NIBAN1: variants seen among roughly 807,000 people sequenced by gnomAD.
The protein encoded by NIBAN1 is protein Niban 1.
NIBAN1 carries 81 observed loss-of-function variants against 75.1 expected under a neutral mutation model. The observed-to-expected ratio is 1.08, with a 90% confidence interval of 0.90 to 1.30. The LOEUF is 1.30. NIBAN1 is among the 50% of genes most tolerant of loss of function. NIBAN1 has a pLI of 0.00. For missense variants in NIBAN1, 1,133 were observed against 1,128.1 expected (o/e 1.00, Z -0.06); for synonymous variants, 436 against 424.8 (o/e 1.03, Z -0.32).
At chr1:184,805,781 G>A (rs1654179458) in intron 11 of NIBAN1, 165 bp downstream of exon 11, 4 of 615,404 alleles carry the variant, frequency 6.5e-6, no homozygotes, top group Non-Finnish European at 1.1e-5. Context: ...AGGCATGGAA[G>A]TCACACTGGA....
chr1:184,809,259 G>T (rs188953272), intron 9 of NIBAN1, among the ~76,000 whole-genome samples: 34 of 152,298 alleles, frequency 2.2e-4, no homozygotes, highest in African/African-American at 7.5e-4. Context: ...GAGGTCCACT[G>T]AAGTGAAGTA....
chr1:184,815,354 C>T (rs142724435), intron 9 of NIBAN1, among the ~76,000 whole-genome samples: 4 of 152,330 alleles, frequency 2.6e-5, no homozygotes, highest in African/African-American at 9.6e-5. Flanking sequence ...CTCCACACTA[C>T]AGCAAAACTT....
At chr1:184,865,737 T>A (rs1202464846) in intron 5 of NIBAN1, among the ~76,000 whole-genome samples, 1 of 152,222 alleles carries the variant, frequency 6.6e-6, no homozygotes, top group Non-Finnish European at 1.5e-5. Flanking sequence ...ATCTAACTGC[T>A]AAGATTGATT....
chr1:184,894,544 G>T (rs144477718), intron 2 of NIBAN1, among the ~76,000 whole-genome samples: 10 of 152,224 alleles, frequency 6.6e-5, no homozygotes, highest in Non-Finnish European at 1.2e-4. Context: ...ATGGGAGAGA[G>T]GGAGTGAGGC....
chr1:184,838,479 A>G (rs987817161), intron 5 of NIBAN1, among the ~76,000 whole-genome samples: 5 of 152,198 alleles, frequency 3.3e-5, no homozygotes, highest in African/African-American at 1.2e-4. Context: ...CCATTCATTC[A>G]ACAATCACAT....
chr1:184,965,750 G>A (rs1347593646), intron 1 of NIBAN1, among the ~76,000 whole-genome samples: 1 of 152,082 alleles, frequency 6.6e-6, no homozygotes, highest in Non-Finnish European at 1.5e-5. Context: ...CCCCCACGGC[G>A]CTTCGTTTCC....
intron 5 of NIBAN1, among the ~76,000 whole-genome samples, chr1:184,873,082 G>A (rs1005854875): frequency 1.3e-5 from 2 of 152,210 alleles, no homozygotes; most frequent in Admixed American, 1.3e-4. Flanking sequence ...AATATTCAAT[G>A]TGGTGACAGG....
intron 1 of NIBAN1, among the ~76,000 whole-genome samples, chr1:184,900,354 C>T (rs1031366759): frequency 6.6e-6 from 1 of 152,184 alleles, no homozygotes; most frequent in African/African-American, 2.4e-5. Context: ...GCTGTACAAC[C>T]TCAGTCAAGT....
intron 1 of NIBAN1, among the ~76,000 whole-genome samples, chr1:184,964,807 T>C (rs1050031251): frequency 2.0e-5 from 3 of 152,222 alleles, no homozygotes; most frequent in African/African-American, 7.2e-5. Context: ...GTAGAGATGA[T>C]TTTGAAGTAC....
intron 5 of NIBAN1, among the ~76,000 whole-genome samples, chr1:184,864,107 A>C (rs191345471): frequency 1.3e-5 from 2 of 152,336 alleles, no homozygotes; most frequent in South Asian, 2.1e-4. Flanking sequence ...CTTTGGAGTT[A>C]AACATTCAGG....
chr1:184,943,019 A>G (rs1658135359), intron 1 of NIBAN1, among the ~76,000 whole-genome samples: 3 of 152,250 alleles, frequency 2.0e-5, no homozygotes, highest in African/African-American at 7.2e-5. Flanking sequence ...GGAAAGTGAT[A>G]TCTCTTCTTA....
chr1:184,855,100 T>C (rs1029782112), intron 5 of NIBAN1, among the ~76,000 whole-genome samples: 1 of 152,210 alleles, frequency 6.6e-6, no homozygotes, highest in Non-Finnish European at 1.5e-5. Context: ...GATGGAATCA[T>C]AGAACTAAAA....
intron 8 of NIBAN1, among the ~76,000 whole-genome samples, chr1:184,820,869 T>G (rs1455143558): frequency 6.6e-6 from 1 of 152,244 alleles, no homozygotes; most frequent in Non-Finnish European, 1.5e-5. Flanking sequence ...ATATTACAAG[T>G]GCTTACAACT....
At chr1:184,931,355 C>G (rs1288205744) in intron 1 of NIBAN1, among the ~76,000 whole-genome samples, 1 of 152,224 alleles carries the variant, frequency 6.6e-6, no homozygotes, top group Non-Finnish European at 1.5e-5. Context: ...AGTCTTATAA[C>G]TGGCTTCCAC....
chr1:184,803,022 A>G (rs1404253786), intron 12 of NIBAN1, among the ~76,000 whole-genome samples: 2 of 152,192 alleles, frequency 1.3e-5, no homozygotes, highest in Non-Finnish European at 2.9e-5. Context: ...CTACAGATGA[A>G]GTCACACCCT....
At chr1:184,841,903 T>C (rs1178055675) in intron 5 of NIBAN1, among the ~76,000 whole-genome samples, 1 of 152,168 alleles carries the variant, frequency 6.6e-6, no homozygotes, top group East Asian at 1.9e-4. Flanking sequence ...GTTACAGTTA[T>C]TAGTGTAATC....
At chr1:184,823,613 G>C (rs771597801) in intron 7 of NIBAN1, 25 bp downstream of exon 7, 1 of 1,608,056 alleles carries the variant, frequency 6.2e-7, no homozygotes, top group Non-Finnish European at 8.5e-7. Flanking sequence ...GAGTAGCTCA[G>C]TTGTAGAGCA....
At chr1:184,958,158 G>A (rs1658537245) in intron 1 of NIBAN1, among the ~76,000 whole-genome samples, 2 of 152,264 alleles carry the variant, frequency 1.3e-5, no homozygotes, top group Non-Finnish European at 2.9e-5. Flanking sequence ...CTTGAGGTCA[G>A]GAGTTCAAGA....
chr1:184,829,417 C>T (rs562499982), intron 6 of NIBAN1, among the ~76,000 whole-genome samples: 1 of 149,682 alleles, frequency 6.7e-6, no homozygotes, highest in African/African-American at 2.4e-5. Flanking sequence ...GAAGCCAAAA[C>T]AAACTCAAAC....
Sources: allele counts gnomAD v4.1 joint callset (sites outside exome capture counted in the v4.1 genomes callset), GRCh38; gene constraint gnomAD v4.1.1; transcripts MANE v1.5; gene names NCBI Gene and HGNC (gene_info 2026-07-23, HGNC 2026-07-21).